CNKSR2: variants seen among roughly 807,000 people sequenced by gnomAD.
The protein encoded by CNKSR2 is CNK homolog protein 2.
CNKSR2 carries 14 observed loss-of-function variants against 84.4 expected under a neutral mutation model. That is an observed-to-expected ratio of 0.17 (90% CI 0.11 to 0.26). The LOEUF (loss-of-function observed/expected upper bound fraction) is 0.26. Ranked by LOEUF, CNKSR2 falls within the 10% of genes least tolerant of loss-of-function variation. The pLI, the probability that CNKSR2 is intolerant of heterozygous loss-of-function variation, is 1.00. For synonymous variants in CNKSR2, 275 were observed against 277.9 expected, an observed-to-expected ratio of 0.99 and a Z score of 0.10; for missense variants, 485 against 771.2, an observed-to-expected ratio of 0.63 and a Z score of 4.40.
At chrX:21,649,328 C>T (rs2092715029) in intron 21 of CNKSR2, among the ~76,000 whole-genome samples, 1 of 111,937 alleles carries the variant, frequency 8.9e-6, no homozygotes, top group Non-Finnish European at 1.9e-5. Flanking sequence ...ATTCCTCAGT[C>T]TATAGATTTT....
At chrX:21,565,873 T>C (rs762506288) in intron 13 of CNKSR2, among the ~76,000 whole-genome samples, 5 of 111,582 alleles carry the variant, frequency 4.5e-5, no homozygotes, top group African/African-American at 1.3e-4. Context: ...GTTTCCACAT[T>C]TGATATGTCT....
chrX:21,391,285 C>A lies in CNKSR2; in HGVS notation c.64+16324C>A, dbSNP rs763551356. ...CTGTGTGTGGGCCCCACATTTCCCC[C>A]CCACATTGCCCTAGTAGAGGTCATC... On this transcript the variant is annotated intron_variant, in intron 1 of 21. Coordinates refer to ENST00000379510, the MANE Select transcript of CNKSR2 (RefSeq NM_014927.5). Among the ~76,000 whole-genome samples, 6 of 112,825 alleles carry A rather than the reference C, an allele frequency of 5.3e-5. No individual in the cohort carries two copies. In the South Asian group the frequency reaches 1.5e-3, roughly 28 times the overall value.
chrX:21,540,400 A>G (rs781361538), intron 11 of CNKSR2, among the ~76,000 whole-genome samples: 2 of 111,930 alleles, frequency 1.8e-5, no homozygotes, highest in African/African-American at 3.2e-5. Context: ...TTCATAAGCA[A>G]TAATCAATGA....
chrX:21,510,175 A>T (rs2091657225), intron 8 of CNKSR2, among the ~76,000 whole-genome samples: 1 of 111,680 alleles, frequency 9.0e-6, no homozygotes, highest in Non-Finnish European at 1.9e-5. Context: ...TATCATCTAC[A>T]TTACATCCTG....
chrX:21,378,315 C>T (rs2089849421), intron 1 of CNKSR2, among the ~76,000 whole-genome samples: 1 of 111,647 alleles, frequency 9.0e-6, no homozygotes, highest in South Asian at 3.7e-4. Flanking sequence ...GAAATTGCAT[C>T]CAATCCTCTT....
At chrX:21,528,848 C>A (rs2147118093) in intron 10 of CNKSR2, among the ~76,000 whole-genome samples, 1 of 111,194 alleles carries the variant, frequency 9.0e-6, no homozygotes, top group African/African-American at 3.2e-5. Context: ...GGAGTCAGGA[C>A]AATCCATGCA....
At chrX:21,570,170 A>G (rs2092273188) in intron 13 of CNKSR2, among the ~76,000 whole-genome samples, 1 of 112,466 alleles carries the variant, frequency 8.9e-6, no homozygotes, top group Non-Finnish European at 1.9e-5. Flanking sequence ...AAAGTCCTAG[A>G]TGGCATCTTC....
Position 21,426,594 on chromosome X carries a change from T to A in CNKSR2, c.162T>A (p.Asp54Glu). ...GCATTACACATCAGGAGCTAGAAGA[T>A]CTGGGGGTCAGCCGCATTGGCCATC... is the stretch of plus-strand genomic sequence containing the variant. ...LLRITHQELE[D>E]LGVSRIGHQE... The change falls in exon 2 of 22, where the codon GAT (aspartate) becomes GAA (glutamate). Residue 54 changes from aspartate (D) to glutamate (E), a missense_variant. Physicochemically the swap from Asp to Glu is conservative, Grantham distance 45. Coordinates refer to ENST00000379510, the MANE Select transcript of CNKSR2 (RefSeq NM_014927.5). 6.6e-6 allele frequency: 8 copies of A among 1,208,892 alleles called. No individual in the cohort carries two copies. The highest frequency in any genetic ancestry group is 5.6e-6 in the Non-Finnish European group (5 of 894,457).
intron 17 of CNKSR2, among the ~76,000 whole-genome samples, chrX:21,599,386 G>T (rs996888615): frequency 3.2e-5 from 3 of 94,894 alleles, no homozygotes; most frequent in Admixed American, 1.2e-4. Flanking sequence ...GTGTGTGTGA[G>T]ATGGAGTCTC....
chrX:21,421,399 G>T (rs1315482547), intron 1 of CNKSR2, among the ~76,000 whole-genome samples: 1 of 103,932 alleles, frequency 9.6e-6, no homozygotes, highest in Admixed American at 1.1e-4. Context: ...GTGCTTTTTT[G>T]TGTAGATAAT....
chrX:21,538,669 G>C (rs1455466615), intron 11 of CNKSR2: 1 of 112,613 alleles, frequency 8.9e-6, no homozygotes, highest in African/African-American at 3.2e-5. Context: ...AAGGAAGCCA[G>C]TAGTGGCTCA....
intron 17 of CNKSR2, among the ~76,000 whole-genome samples, chrX:21,595,711 G>T (rs1374245165): frequency 1.8e-5 from 2 of 111,744 alleles, no homozygotes; most frequent in African/African-American, 6.5e-5. Context: ...GGGGGAAAAA[G>T]AGATGTCTAC....
chrX:21,563,966 T>C (rs1251144962), intron 13 of CNKSR2, among the ~76,000 whole-genome samples: 1 of 110,321 alleles, frequency 9.1e-6, no homozygotes, highest in Non-Finnish European at 1.9e-5. Context: ...AAGAGGAACA[T>C]AGGAGAAATA....
intron 1 of CNKSR2, among the ~76,000 whole-genome samples, chrX:21,407,695 CT>C (rs2090283355): frequency 9.0e-6 from 1 of 111,112 alleles, no homozygotes; most frequent in Non-Finnish European, 1.9e-5. Context: ...AATTCTTTAC[CT>C]TTTTTGGATT....
At chrX:21,410,118 A>C (rs1601751090) in intron 1 of CNKSR2, among the ~76,000 whole-genome samples, 1 of 109,671 alleles carries the variant, frequency 9.1e-6, no homozygotes, top group South Asian at 3.9e-4. Context: ...TTATTGAAAA[A>C]AATCAAGTCT....
intron 1 of CNKSR2, among the ~76,000 whole-genome samples, chrX:21,412,135 G>C: frequency 9.0e-6 from 1 of 111,556 alleles, no homozygotes; most frequent in South Asian, 3.8e-4. Flanking sequence ...AGGAGCATTA[G>C]GGAAGCCTGG....
intron 13 of CNKSR2, among the ~76,000 whole-genome samples, chrX:21,583,648 TTTGA>T (rs1284822219): frequency 2.7e-5 from 3 of 112,145 alleles, no homozygotes; most frequent in African/African-American, 6.5e-5. Context: ...AAGAGAGTAC[TTTGA>T]TTGCAAATTT....
At chrX:21,511,804 G>A (rs1005090530) in intron 8 of CNKSR2, among the ~76,000 whole-genome samples, 4 of 111,067 alleles carry the variant, frequency 3.6e-5, no homozygotes, top group Non-Finnish European at 3.8e-5. Context: ...TGTCATCTAC[G>A]TGTACTGAAC....
intron 4 of CNKSR2, among the ~76,000 whole-genome samples, chrX:21,452,968 G>T (rs1332663893): frequency 9.1e-6 from 1 of 109,298 alleles, no homozygotes; most frequent in African/African-American, 3.3e-5. Flanking sequence ...GCAATATATG[G>T]TTTCTCTTGC....
Sources: gnomAD v4.1 joint callset for allele counts (sites outside exome capture counted in the v4.1 genomes callset) on GRCh38, gnomAD v4.1.1 for gene constraint, MANE v1.5 for transcripts, NCBI Gene and HGNC (gene_info 2026-07-23, HGNC 2026-07-21) for gene names.